CACHD1: variants seen among roughly 807,000 people sequenced by gnomAD.
The protein encoded by CACHD1 is VWFA and cache domain-containing protein 1.
CACHD1 carries 71 observed loss-of-function variants against 138.7 expected under a neutral mutation model. The ratio of observed to expected loss-of-function variants is 0.51; its 90% CI spans 0.42 to 0.62. The LOEUF (loss-of-function observed/expected upper bound fraction) is 0.62. CACHD1 is among the 20% of genes least tolerant of loss of function. CACHD1 has a pLI of 0.00. For missense variants in CACHD1, 1,389 were observed against 1,625.3 expected, an observed-to-expected ratio of 0.85 and a Z score of 2.50; for synonymous variants, 578 against 591.5, an observed-to-expected ratio of 0.98 and a Z score of 0.33.
intron 7 of CACHD1, 54 bp from the exon 8 acceptor site, chr1:64,641,766 G>T: frequency 3.6e-6 from 5 of 1,402,814 alleles, no homozygotes; most frequent in Non-Finnish European, 4.7e-6. Context: ...AAACTGAACT[G>T]CTGCCTTTAG....
chr1:64,553,395 C>T (rs1239260138), intron 2 of CACHD1, among the ~76,000 whole-genome samples: 2 of 152,128 alleles, frequency 1.3e-5, no homozygotes, highest in Non-Finnish European at 2.9e-5. Context: ...ACATGTTTAC[C>T]TCGTATGTTT....
chr1:64,624,539 A>G (rs1323380833), intron 4 of CACHD1, among the ~76,000 whole-genome samples: 2 of 152,162 alleles, frequency 1.3e-5, no homozygotes, highest in Non-Finnish European at 2.9e-5. Context: ...CCAGGAGACT[A>G]GGTGGAGAAA....
intron 4 of CACHD1, among the ~76,000 whole-genome samples, chr1:64,607,847 G>A (rs1273516315): frequency 6.6e-6 from 1 of 152,200 alleles, no homozygotes; most frequent in African/African-American, 2.4e-5. Context: ...AGCTGAGAGT[G>A]AGGACCAGGG....
Position 64,652,269 on chromosome 1 carries a change from A to G in CACHD1, c.1499A>G (p.Gln500Arg). ...AYILEDVTYY[Q>R]DSLASYTFLI... Reference sequence around the variant, plus strand: ...ATTCTTGAAGACGTGACGTATTACCAAGACTCTTTGGCTTCCTATACTTTT... The same window carrying G: ...ATTCTTGAAGACGTGACGTATTACCGAGACTCTTTGGCTTCCTATACTTTT... Residue 500 changes from glutamine to arginine, a missense_variant, in exon 10 of 27, where the codon CAA (glutamine) becomes CGA (arginine). By Grantham distance (43) the Gln-to-Arg change is conservative. Coordinates refer to ENST00000651257, the MANE Select transcript of CACHD1 (RefSeq NM_020925.4). The G allele has an allele frequency of 6.2e-7, 1 of 1,613,704 alleles. No individual in the cohort carries two copies. Among genetic ancestry groups the G allele is most frequent in the Non-Finnish European group, 8.5e-7 (1 of 1,179,820 alleles).
At chr1:64,537,080 G>T (rs1398446810) in intron 1 of CACHD1, among the ~76,000 whole-genome samples, 1 of 152,118 alleles carries the variant, frequency 6.6e-6, no homozygotes, top group South Asian at 2.1e-4. Flanking sequence ...CTCTGTGAGG[G>T]TCACCGTATT....
chr1:64,584,798 G>A (rs1173688266), intron 3 of CACHD1, among the ~76,000 whole-genome samples: 1 of 152,160 alleles, frequency 6.6e-6, no homozygotes, highest in East Asian at 1.9e-4. Flanking sequence ...ATAGGAACGA[G>A]TAAGAAGGTG....
At chr1:64,543,012 C>T (rs1016817118) in intron 1 of CACHD1, among the ~76,000 whole-genome samples, 23 of 151,898 alleles carry the variant, frequency 1.5e-4, no homozygotes, top group South Asian at 2.1e-4. Flanking sequence ...CACACACACA[C>T]GCATAATTAG....
Position 64,652,146 on chromosome 1 carries a change from G to A in CACHD1, c.1391-15G>A. 6.3e-7 allele frequency: 1 copy of A among 1,595,726 alleles called. No individual in the cohort carries two copies. Among genetic ancestry groups the A allele is most frequent in the Non-Finnish European group, 8.5e-7 (1 of 1,173,178 alleles). On this transcript the variant is annotated splice_polypyrimidine_tract_variant and intron_variant, in intron 9 of 26. Coordinates refer to ENST00000651257, the MANE Select transcript of CACHD1 (RefSeq NM_020925.4). ...CTCTGCTGGTCTTTAGATTTATTTT[G>A]TTTTTAACCCATAGGTTTGATAATG...
At chr1:64,538,212 C>G (rs1646649816) in intron 1 of CACHD1, among the ~76,000 whole-genome samples, 2 of 152,164 alleles carry the variant, frequency 1.3e-5, no homozygotes, top group African/African-American at 4.8e-5. Flanking sequence ...CACATTTATT[C>G]CATAAAGGCT....
At chr1:64,604,163 T>G (rs1647270643) in intron 4 of CACHD1, among the ~76,000 whole-genome samples, 1 of 152,222 alleles carries the variant, frequency 6.6e-6, no homozygotes, top group African/African-American at 2.4e-5. Flanking sequence ...ACAAATCATG[T>G]AATCTATTAG....
In CACHD1 at chr1:64,495,768, A is replaced by C. The variant is rs112609009; in HGVS notation, c.198+24826A>C. Among the ~76,000 whole-genome samples, 4 of 152,060 alleles carry C rather than the reference A, an allele frequency of 2.6e-5. No individual in the cohort carries two copies. In the East Asian group the frequency reaches 5.8e-4, roughly 22 times the overall value. On this transcript the variant is annotated intron_variant, in intron 1 of 26. Transcript: ENST00000651257. ...AAGAGCCCTAGCACCAAAGTCCTCA[A>C]ATTTCTTCATCTAAGCCTACTTTTT...
At chr1:64,562,409 CT>C (rs55746551) in intron 2 of CACHD1, among the ~76,000 whole-genome samples, 48 of 109,932 alleles carry the variant, frequency 4.4e-4, no homozygotes, top group African/African-American at 1.0e-3. Flanking sequence ...GCAGAATTTC[CT>C]TTTTTTTTTT....
At chr1:64,516,035 G>C (rs888677435) in intron 1 of CACHD1, among the ~76,000 whole-genome samples, 1 of 152,016 alleles carries the variant, frequency 6.6e-6, no homozygotes, top group East Asian at 1.9e-4. Flanking sequence ...TCATATATAG[G>C]TTGCAAATAT....
At chr1:64,619,789 A>G (rs1647846088) in intron 4 of CACHD1, among the ~76,000 whole-genome samples, 1 of 152,188 alleles carries the variant, frequency 6.6e-6, no homozygotes, top group Non-Finnish European at 1.5e-5. Flanking sequence ...TTGATAAGGC[A>G]AGAAGGAGGG....
intron 2 of CACHD1, among the ~76,000 whole-genome samples, chr1:64,553,963 G>A (rs780376839): frequency 1.6e-4 from 25 of 152,214 alleles, no homozygotes; most frequent in African/African-American, 5.1e-4. Flanking sequence ...CATTTCTGTG[G>A]TATTCCATTA....
At chr1:64,551,321 C>T (rs990715710) in intron 2 of CACHD1, among the ~76,000 whole-genome samples, 4 of 151,558 alleles carry the variant, frequency 2.6e-5, no homozygotes, top group African/African-American at 7.3e-5. Context: ...TTATAGCTGG[C>T]TTCAGATGAA....
intron 5 of CACHD1, among the ~76,000 whole-genome samples, chr1:64,631,216 G>A (rs1648292948): frequency 6.6e-6 from 1 of 152,188 alleles, no homozygotes; most frequent in Non-Finnish European, 1.5e-5. Flanking sequence ...TTTAACAAAG[G>A]AAGTGTGTCA....
At chr1:64,676,494 G>T (rs1649995340) in intron 21 of CACHD1, among the ~76,000 whole-genome samples, 1 of 152,072 alleles carries the variant, frequency 6.6e-6, no homozygotes, top group Non-Finnish European at 1.5e-5. Flanking sequence ...GTTGAGACAT[G>T]GTCTCACTCT....
At chr1:64,597,563 T>G (rs1436797426) in intron 3 of CACHD1, among the ~76,000 whole-genome samples, 11 of 137,134 alleles carry the variant, frequency 8.0e-5, no homozygotes, top group Non-Finnish European at 6.1e-5. Context: ...CTTACAGGGG[T>G]TGGAGAGATG....
Sources: gnomAD v4.1 joint callset for allele counts (sites outside exome capture counted in the v4.1 genomes callset) on GRCh38, gnomAD v4.1.1 for gene constraint, MANE v1.5 for transcripts, NCBI Gene and HGNC (gene_info 2026-07-23, HGNC 2026-07-21) for gene names.